MAP2K6: variants seen among roughly 807,000 people sequenced by gnomAD.
MAP2K6 encodes dual specificity mitogen-activated protein kinase kinase 6.
MAP2K6 carries 16 observed loss-of-function variants against 53.7 expected under a neutral mutation model. That is an observed-to-expected ratio of 0.30 (90% CI 0.20 to 0.45). The LOEUF is 0.45. MAP2K6 is among the 20% of genes least tolerant of loss of function. The pLI is 1.00. For missense variants in MAP2K6, 204 were observed against 411.9 expected (o/e 0.50, Z 4.37); for synonymous variants, 132 against 143.1 (o/e 0.92, Z 0.55).
intron 10 of MAP2K6, among the ~76,000 whole-genome samples, chr17:69,532,173 A>G (rs1598316742): frequency 1.3e-5 from 2 of 152,232 alleles, no homozygotes; most frequent in Non-Finnish European, 2.9e-5. Flanking sequence ...AAACACAGAC[A>G]GTCAAATACA....
At chr17:69,532,384 A>T (rs1567858908) in intron 10 of MAP2K6, among the ~76,000 whole-genome samples, 3 of 152,238 alleles carry the variant, frequency 2.0e-5, no homozygotes, top group Admixed American at 6.5e-5. Context: ...TTCTCAAGAC[A>T]GCATGAGCTG....
At chr17:69,468,225 C>G (rs189772757) in intron 1 of MAP2K6, among the ~76,000 whole-genome samples, 1 of 152,296 alleles carries the variant, frequency 6.6e-6, no homozygotes, top group Non-Finnish European at 1.5e-5. Flanking sequence ...TTCCTTCTCC[C>G]CATCTCTACC....
At chr17:69,416,928 G>A (rs767125906) in intron 1 of MAP2K6, among the ~76,000 whole-genome samples, 2 of 152,156 alleles carry the variant, frequency 1.3e-5, no homozygotes, top group Non-Finnish European at 2.9e-5. Flanking sequence ...CTCCCTCTTA[G>A]TAGAGCCAGT....
Position 69,474,222 on chromosome 17 carries a change from A to G in MAP2K6, c.17-31558A>G, listed in dbSNP as rs150001872. Among the ~76,000 whole-genome samples the G allele has an allele frequency of 3.9e-5, 6 of 152,322 alleles. No individual in the cohort carries two copies. In the East Asian group the frequency reaches 9.6e-4, roughly 24 times the overall value. Reference sequence around the variant, plus strand: ...GTGTATTCTCTATGATACTAACACAATGTTGGGCATGTACAAAGTGCTGAG... The same window carrying G: ...GTGTATTCTCTATGATACTAACACAGTGTTGGGCATGTACAAAGTGCTGAG... On this transcript the variant is annotated intron_variant, in intron 1 of 11. Transcript: ENST00000590474.
chr17:69,431,893 C>T (rs776361496), intron 1 of MAP2K6, among the ~76,000 whole-genome samples: 28 of 152,160 alleles, frequency 1.8e-4, no homozygotes, highest in Non-Finnish European at 3.7e-4. Flanking sequence ...AGATGACATT[C>T]TCTGTCTTTC....
intron 2 of MAP2K6, 75 bp from the exon 3 acceptor site, chr17:69,516,780 A>ATT: frequency 1.1e-6 from 1 of 915,228 alleles, no homozygotes; most frequent in African/African-American, 2.1e-5. Context: ...AAATATCCTC[A>ATT]GTGGTGTGTG....
chr17:69,463,603 C>T (rs1314966492), intron 1 of MAP2K6, among the ~76,000 whole-genome samples: 1 of 147,256 alleles, frequency 6.8e-6, no homozygotes, highest in African/African-American at 2.5e-5. Flanking sequence ...TAGCTAGCTC[C>T]CTCTCTCTCT....
At position 69,505,843 on chromosome 17, in the gene MAP2K6, C is replaced by T; in HGVS notation, c.80C>T (p.Ser27Phe). ...KEAFEQPQTS[S>F]TPPRDLDSKA... ...GCATTTGAACAACCTCAGACCAGTT[C>T]CACGTAAGTTGACAAGACCATCATC... The change falls in exon 2 of 12, where the codon TCC becomes TTC. Residue 27 changes from serine to phenylalanine, a missense_variant. Transcript: ENST00000590474. 2 of 1,613,200 alleles carry T rather than the reference C, an allele frequency of 1.2e-6. No individual in the cohort carries two copies. Among genetic ancestry groups the T allele is most frequent in the Non-Finnish European group, 1.7e-6 (2 of 1,179,404 alleles).
At chr17:69,425,521 C>T (rs577846230) in intron 1 of MAP2K6, among the ~76,000 whole-genome samples, 198 of 152,086 alleles carry the variant, frequency 1.3e-3, no homozygotes, top group Non-Finnish European at 2.4e-3. Context: ...CTGTGTTGGC[C>T]AGGCTGGTGT....
At chr17:69,523,244 A>C (rs1348889285) in intron 7 of MAP2K6, among the ~76,000 whole-genome samples, 2 of 152,248 alleles carry the variant, frequency 1.3e-5, no homozygotes, top group Non-Finnish European at 2.9e-5. Flanking sequence ...TATGAGGGTA[A>C]TGAAGATCAT....
intron 1 of MAP2K6, among the ~76,000 whole-genome samples, chr17:69,447,810 G>A (rs371700921): frequency 6.8e-4 from 104 of 152,306 alleles, no homozygotes; most frequent in African/African-American, 2.2e-3. Flanking sequence ...TAATGAAGGT[G>A]TACTAGGAGT....
At chr17:69,493,839 AC>A (rs1458352065) in intron 1 of MAP2K6, among the ~76,000 whole-genome samples, 6 of 152,132 alleles carry the variant, frequency 3.9e-5, no homozygotes, top group African/African-American at 1.4e-4. Context: ...ACAATGAGAC[AC>A]CCCTTGTACC....
chr17:69,520,148 C>T, intron 5 of MAP2K6, 122 bp from the exon 6 acceptor site: 2 of 610,450 alleles, frequency 3.3e-6, no homozygotes, highest in East Asian at 2.9e-5. Context: ...CACTGTATTT[C>T]CCCCCAAAAT....
chr17:69,428,584 T>A (rs1384973962), intron 1 of MAP2K6, among the ~76,000 whole-genome samples: 1 of 152,210 alleles, frequency 6.6e-6, no homozygotes, highest in Admixed American at 6.5e-5. Flanking sequence ...GAGGACATAG[T>A]TCAACCCATA....
intron 1 of MAP2K6, chr17:69,433,329 T>C (rs997704258): frequency 1.7e-4 from 26 of 152,254 alleles, no homozygotes; most frequent in African/African-American, 6.3e-4. Flanking sequence ...GCCTGGGCTC[T>C]TGTTAGGATC....
chr17:69,455,275 A>G (rs1907366484), intron 1 of MAP2K6, among the ~76,000 whole-genome samples: 1 of 152,168 alleles, frequency 6.6e-6, no homozygotes, highest in Admixed American at 6.5e-5. Context: ...CCCTTTATGA[A>G]GATAACTGGA....
intron 1 of MAP2K6, among the ~76,000 whole-genome samples, chr17:69,466,441 T>C (rs1376012553): frequency 1.3e-5 from 2 of 152,228 alleles, no homozygotes; most frequent in East Asian, 3.8e-4. Context: ...TTCTGTATTT[T>C]TACTTTTACT....
At chr17:69,492,224 C>T (rs192912469) in intron 1 of MAP2K6, among the ~76,000 whole-genome samples, 20 of 152,216 alleles carry the variant, frequency 1.3e-4, no homozygotes, top group Admixed American at 1.2e-3. Flanking sequence ...GAAATCTTTG[C>T]CCATTCCTAT....
chr17:69,489,408 A>G (rs1366426391), intron 1 of MAP2K6, among the ~76,000 whole-genome samples: 5 of 152,206 alleles, frequency 3.3e-5, no homozygotes, highest in African/African-American at 7.2e-5. Context: ...TCTTGTGCTC[A>G]GTCTTCGCAA....
Sources: gnomAD v4.1 joint callset for allele counts (sites outside exome capture counted in the v4.1 genomes callset) on GRCh38, gnomAD v4.1.1 for gene constraint, MANE v1.5 for transcripts, NCBI Gene and HGNC (gene_info 2026-07-23, HGNC 2026-07-21) for gene names.